JPT2: variants seen among roughly 807,000 people sequenced by gnomAD.
JPT2 encodes the protein Jupiter microtubule associated homolog 2.
In JPT2, 9 loss-of-function variants were observed where a neutral mutation model predicts 15.9. The observed-to-expected ratio is 0.57, with a 90% CI of 0.34 to 0.99. JPT2 has a LOEUF of 0.99. Ranked by LOEUF, JPT2 falls within the 50% of genes least tolerant of loss-of-function variation. The pLI is 0.02. For missense variants in JPT2, 267 were observed against 252.1 expected (o/e 1.06, Z -0.40); for synonymous variants, 95 against 91.7 (o/e 1.04, Z -0.21).
chr16:1,683,128 C>T (rs1400698647), intron 1 of JPT2, among the ~76,000 whole-genome samples: 1 of 152,238 alleles, frequency 6.6e-6, no homozygotes, highest in Non-Finnish European at 1.5e-5. Context: ...AGGCGTCCGC[C>T]ACCACGCCCG....
Position 1,691,753 on chromosome 16 carries a change from G to A in JPT2, c.194-90G>A. ...CAGGGCTGGCACTCGGGGTTCCTAT[G>A]AGAGGAGGTCTCCAAAGCACTGCGG... On this transcript the variant is annotated intron_variant, in intron 2 of 4. Coordinates refer to ENST00000248098, the MANE Select transcript of JPT2 (RefSeq NM_144570.3). The A allele has an allele frequency of 1.6e-5, 23 of 1,476,232 alleles. No individual in the cohort carries two copies. In the African/African-American group the frequency reaches 1.7e-4, roughly 11 times the overall value. The allele number at this position is 1,476,232 out of a possible 1,614,324, so 91.4% of individuals were successfully genotyped here.
At chr16:1,694,465 T>C (rs2037126743) in intron 3 of JPT2, among the ~76,000 whole-genome samples, 1 of 152,260 alleles carries the variant, frequency 6.6e-6, no homozygotes, top group Admixed American at 6.5e-5. Flanking sequence ...CTAATGGTGT[T>C]TTATTCTGTA....
At chr16:1,683,053 T>G (rs1006472944) in intron 1 of JPT2, among the ~76,000 whole-genome samples, 2 of 152,176 alleles carry the variant, frequency 1.3e-5, no homozygotes, top group Non-Finnish European at 2.9e-5. Flanking sequence ...CTTGGTTCAC[T>G]GCAAGCTCCG....
At chr16:1,695,121 G>A (rs2037131709) in intron 3 of JPT2, among the ~76,000 whole-genome samples, 1 of 152,118 alleles carries the variant, frequency 6.6e-6, no homozygotes, top group Non-Finnish European at 1.5e-5. Flanking sequence ...TTAACTAGCT[G>A]GGGGCTGGGT....
downstream of JPT2, chr16:1,702,102 CAT>C (rs780746235): frequency 5.7e-5 from 26 of 454,800 alleles, no homozygotes; most frequent in Non-Finnish European, 1.0e-4. Context: ...TAGCTATTTT[CAT>C]ATGTTTTCTA....
At chr16:1,681,377 C>T (rs1050006085) in intron 1 of JPT2, among the ~76,000 whole-genome samples, 18 of 152,194 alleles carry the variant, frequency 1.2e-4, no homozygotes, top group African/African-American at 4.3e-4. Context: ...TCTGCTAAAA[C>T]CGTCTTTGGT....
chr16:1,685,750 C>G (rs1220559827), intron 2 of JPT2, 163 bp downstream of exon 2: 3 of 754,866 alleles, frequency 4.0e-6, no homozygotes, highest in Non-Finnish European at 6.1e-6. Context: ...TACTTTCTCT[C>G]TTGAAGGTGA....
At position 1,700,281 on chromosome 16, in the gene JPT2, A is replaced by G; in HGVS notation, c.*1283A>G. ...TGCTCACTCAGCTAATGGGATGGCA[A>G]AGGTGGTGGTGCTTTCATCTTCAGG... is the stretch of plus-strand genomic sequence containing the variant. On this transcript the variant is annotated 3_prime_UTR_variant, in exon 5 of 5. Coordinates refer to ENST00000248098, the MANE Select transcript of JPT2 (RefSeq NM_144570.3). The G allele has an allele frequency of 2.4e-6, 1 of 411,942 alleles. No individual in the cohort carries two copies. Among genetic ancestry groups the G allele is most frequent in the South Asian group, 1.6e-5 (1 of 61,190 alleles). 25.5% of individuals were successfully genotyped at this position (411,942 alleles called of 1,614,324 possible).
In JPT2 at chr16:1,699,175, T is replaced by C; in HGVS notation, c.*177T>C. ...TGCTTGGAGACCCGTGCCTTCCAGA[T>C]GGCTGGGAGATGCCTCTGTGGGGAT... On this transcript the variant is annotated 3_prime_UTR_variant, in exon 5 of 5. Coordinates refer to ENST00000248098, the MANE Select transcript of JPT2 (RefSeq NM_144570.3). 1 of 689,980 alleles carries C rather than the reference T, an allele frequency of 1.4e-6. No individual in the cohort carries two copies. Among genetic ancestry groups the C allele is most frequent in the Non-Finnish European group, 2.6e-6 (1 of 385,798 alleles). 42.7% of individuals were successfully genotyped at this position (689,980 alleles called of 1,614,324 possible). A position where few individuals can be genotyped will look rare whatever the true frequency, so the allele number is the denominator to read the frequency against.
At chr16:1,683,413 C>A in intron 1 of JPT2, 10 of 585,280 alleles carry the variant, frequency 1.7e-5, no homozygotes, top group Middle Eastern at 3.0e-4. Context: ...TCCCGGACAG[C>A]CCTTTCTCAT....
At chr16:1,697,929 C>A in intron 4 of JPT2, 69 bp downstream of exon 4, 2 of 1,412,006 alleles carry the variant, frequency 1.4e-6, no homozygotes, top group Non-Finnish European at 2.0e-6. Context: ...CTAGTCTCTC[C>A]TCTGGGAATG....
chr16:1,687,149 A>AT (rs906904406), intron 2 of JPT2, among the ~76,000 whole-genome samples: 14 of 151,076 alleles, frequency 9.3e-5, no homozygotes, highest in Admixed American at 2.6e-4. Context: ...TGCTTAGGTA[A>AT]TTTTTTTTTG....
intron 3 of JPT2, among the ~76,000 whole-genome samples, chr16:1,694,667 G>C (rs566539687): frequency 6.6e-6 from 1 of 151,348 alleles, no homozygotes; most frequent in Non-Finnish European, 1.5e-5. Flanking sequence ...GTTGAGAACT[G>C]AGAAATAAAG....
Position 1,698,723 on chromosome 16 carries a change from C to A in JPT2, c.386-88C>A. The A allele has an allele frequency of 7.4e-7, 1 of 1,352,648 alleles. No homozygotes were observed. Among genetic ancestry groups the A allele is most frequent in the Non-Finnish European group, 1.0e-6 (1 of 1,000,288 alleles). The allele number at this position is 1,352,648 out of a possible 1,614,324, so 83.8% of individuals were successfully genotyped here. A position where few individuals can be genotyped will look rare whatever the true frequency, so the allele number is the denominator to read the frequency against. ...CAGCATGAATTTCTTGCAGGTTGCT[C>A]TATGACACACTTTTTATTTCCACAG... On this transcript the variant is annotated intron_variant, in intron 4 of 4. Transcript: ENST00000248098. The surrounding 1 kb of genome is among the most constrained non-coding windows in gnomAD (Gnocchi z 4.9).
intron 1 of JPT2, chr16:1,680,370 C>T: frequency 9.8e-7 from 1 of 1,024,772 alleles, no homozygotes; most frequent in Admixed American, 5.4e-5. Flanking sequence ...GTTAGCTGCA[C>T]AGGGCCGCAC....
chr16:1,686,392 AAAAG>A (rs979970268), intron 2 of JPT2: 4 of 146,870 alleles, frequency 2.7e-5, no homozygotes, highest in African/African-American at 5.2e-5. Flanking sequence ...AAGAAAAAGA[AAAAG>A]AAAAAGGTTT....
At chr16:1,678,620 G>A (rs2036993525) in intron 1 of JPT2, among the ~76,000 whole-genome samples, 1 of 152,220 alleles carries the variant, frequency 6.6e-6, no homozygotes, top group Non-Finnish European at 1.5e-5. Context: ...CCCGGGCTCT[G>A]GGAACAAAGC....
chr16:1,700,287 G>C lies in JPT2; in HGVS notation c.*1289G>C, dbSNP rs147237791. 1 of 403,160 alleles carries C rather than the reference G, an allele frequency of 2.5e-6. No homozygotes were observed. The highest frequency in any genetic ancestry group is 5.2e-6 in the Non-Finnish European group (1 of 192,088). 25.0% of individuals were successfully genotyped at this position (403,160 alleles called of 1,614,324 possible). A position where few individuals can be genotyped will look rare whatever the true frequency, so the allele number is the denominator to read the frequency against. On this transcript the variant is annotated 3_prime_UTR_variant, in exon 5 of 5. Coordinates refer to ENST00000248098, the MANE Select transcript of JPT2 (RefSeq NM_144570.3). The stretch of plus-strand genomic sequence containing the variant: ...CTCAGCTAATGGGATGGCAAAGGTG[G>C]TGGTGCTTTCATCTTCAGGCAGAAG...
intron 1 of JPT2, among the ~76,000 whole-genome samples, chr16:1,680,817 C>T (rs1299559230): frequency 6.6e-6 from 1 of 152,192 alleles, no homozygotes; most frequent in East Asian, 1.9e-4. Flanking sequence ...GTTTATTTCT[C>T]ACTGCTTCTC....
Sources: gnomAD v4.1 joint callset for allele counts (sites outside exome capture counted in the v4.1 genomes callset) on GRCh38, gnomAD v4.1.1 for gene constraint, Gnocchi (gnomAD v3.1) non-coding constraint, MANE v1.5 for transcripts, NCBI Gene and HGNC (gene_info 2026-07-23, HGNC 2026-07-21) for gene names.